SPIDR: variants seen among roughly 807,000 people sequenced by gnomAD.
SPIDR encodes DNA repair-scaffolding protein.
A neutral mutation model predicts 104.6 loss-of-function variants in SPIDR; 93 were observed. That is an observed-to-expected ratio of 0.89 (90% CI 0.75 to 1.06). The LOEUF is 1.06. SPIDR is among the 50% of genes least tolerant of loss of function. SPIDR has a pLI of 0.00. For missense variants in SPIDR, 1,154 were observed against 1,111.2 expected, an observed-to-expected ratio of 1.04 and a Z score of -0.55; for synonymous variants, 431 against 416.9, an observed-to-expected ratio of 1.03 and a Z score of -0.41.
intron 6 of SPIDR, among the ~76,000 whole-genome samples, chr8:47,397,397 G>C (rs781986491): frequency 1.3e-5 from 2 of 152,070 alleles, no homozygotes; most frequent in African/African-American, 2.4e-5. Flanking sequence ...ACAGGAGGCC[G>C]AGGCAGGAGA....
chr8:47,684,330 A>G (rs1041874807), intron 11 of SPIDR, among the ~76,000 whole-genome samples: 13 of 152,220 alleles, frequency 8.5e-5, no homozygotes, highest in African/African-American at 3.1e-4. Context: ...GAATTATTTG[A>G]CTGTGAGGGC....
At chr8:47,724,036 C>T (rs2083839425) in intron 16 of SPIDR, among the ~76,000 whole-genome samples, 1 of 151,934 alleles carries the variant, frequency 6.6e-6, no homozygotes, top group Non-Finnish European at 1.5e-5. Context: ...TCATTTATTC[C>T]TTCTCTAGTA....
chr8:47,436,219 A>C (rs1554691906), intron 7 of SPIDR, among the ~76,000 whole-genome samples: 1 of 152,166 alleles, frequency 6.6e-6, no homozygotes. Context: ...CAAGAGAGTT[A>C]AAGTATTTGG....
At chr8:47,666,022 C>T (rs1374318264) in intron 10 of SPIDR, among the ~76,000 whole-genome samples, 2 of 152,042 alleles carry the variant, frequency 1.3e-5, no homozygotes, top group Non-Finnish European at 2.9e-5. Context: ...CGTGGTTTCC[C>T]TAGTCACTTT....
At chr8:47,379,314 G>C (rs549839713) in intron 5 of SPIDR, among the ~76,000 whole-genome samples, 1 of 152,278 alleles carries the variant, frequency 6.6e-6, no homozygotes, top group East Asian at 1.9e-4. Flanking sequence ...CTTTAGGAGT[G>C]GGCGGATGGC....
intron 16 of SPIDR, among the ~76,000 whole-genome samples, chr8:47,715,530 A>G (rs2082446017): frequency 6.6e-6 from 1 of 152,168 alleles, no homozygotes; most frequent in Non-Finnish European, 1.5e-5. Flanking sequence ...TGCAAAAATA[A>G]TTGTGGTTTT....
At chr8:47,707,199 G>C (rs1459340090) in intron 14 of SPIDR, among the ~76,000 whole-genome samples, 1 of 149,460 alleles carries the variant, frequency 6.7e-6, no homozygotes. Flanking sequence ...GGTTGAGTGA[G>C]CCAAGATCGC....
chr8:47,471,663 A>G (rs571079652), intron 8 of SPIDR, among the ~76,000 whole-genome samples: 1 of 152,370 alleles, frequency 6.6e-6, no homozygotes, highest in East Asian at 1.9e-4. Flanking sequence ...GTATATACTT[A>G]ATGCCTCAGA....
At chr8:47,631,202 C>A (rs2067024115) in intron 10 of SPIDR, among the ~76,000 whole-genome samples, 1 of 152,184 alleles carries the variant, frequency 6.6e-6, no homozygotes, top group African/African-American at 2.4e-5. Flanking sequence ...CATGGATCCT[C>A]TGACTCTGAA....
At chr8:47,270,245 C>G (rs1324710719) in intron 1 of SPIDR, among the ~76,000 whole-genome samples, 1 of 152,110 alleles carries the variant, frequency 6.6e-6, no homozygotes, top group African/African-American at 2.4e-5. Context: ...TATAAATCAC[C>G]GTTGTACTCT....
At chr8:47,574,340 G>GT (rs1564371810) in intron 8 of SPIDR, among the ~76,000 whole-genome samples, 2 of 152,182 alleles carry the variant, frequency 1.3e-5, no homozygotes, top group South Asian at 2.1e-4. Flanking sequence ...CATTTGATTT[G>GT]TTTTTTTCCC....
At chr8:47,635,978 G>T (rs1391546633) in intron 10 of SPIDR, among the ~76,000 whole-genome samples, 1 of 152,182 alleles carries the variant, frequency 6.6e-6, no homozygotes, top group Non-Finnish European at 1.5e-5. Flanking sequence ...ATGCTATACA[G>T]GCATGGCTCA....
chr8:47,409,359 A>G (rs1247854378), intron 7 of SPIDR, among the ~76,000 whole-genome samples: 3 of 152,132 alleles, frequency 2.0e-5, no homozygotes, highest in African/African-American at 4.8e-5. Flanking sequence ...TTGTTTTTCA[A>G]CAAATTGCTT....
intron 8 of SPIDR, among the ~76,000 whole-genome samples, chr8:47,582,084 G>T (rs552474423): frequency 2.0e-5 from 3 of 152,156 alleles, no homozygotes; most frequent in Admixed American, 2.0e-4. Flanking sequence ...AGGCGTGGTG[G>T]CGGGTGCCTG....
intron 3 of SPIDR, among the ~76,000 whole-genome samples, chr8:47,285,225 A>G (rs1007454245): frequency 1.2e-4 from 19 of 152,346 alleles, no homozygotes; most frequent in African/African-American, 4.6e-4. Flanking sequence ...TACAGAGTGA[A>G]CTAACTTCCT....
At position 47,462,842 on chromosome 8, in the gene SPIDR, A is replaced by C. The variant is rs187222574; in HGVS notation, c.1097+22300A>C. Among the ~76,000 whole-genome samples, 378 of 152,262 alleles carry C rather than the reference A, an allele frequency of 2.5e-3. 2 individuals are homozygous for C. Among genetic ancestry groups the C allele is most frequent in the Non-Finnish European group, 4.5e-3 (306 of 68,020 alleles). On this transcript the variant is annotated intron_variant, in intron 8 of 19. Transcript: ENST00000297423. ...AACTTTAGCTAGATTGACCACGAAA[A>C]AACTGGTCAAATTACTAGAATCAAA...
intron 8 of SPIDR, among the ~76,000 whole-genome samples, chr8:47,467,579 T>C (rs562240327): frequency 6.6e-6 from 1 of 152,304 alleles, no homozygotes; most frequent in East Asian, 1.9e-4. Context: ...ATAAATGTGA[T>C]CCATTACATA....
intron 1 of SPIDR, among the ~76,000 whole-genome samples, chr8:47,277,324 T>C (rs1414554688): frequency 9.7e-5 from 2 of 20,580 alleles, no homozygotes; most frequent in African/African-American, 1.8e-4. Context: ...TGTTATGTTA[T>C]GTTATGTTAT....
chr8:47,592,439 G>A (rs1042089780), intron 8 of SPIDR: 8 of 1,448,278 alleles, frequency 5.5e-6, no homozygotes, highest in Middle Eastern at 1.8e-4. Context: ...GGAAGGAATA[G>A]TTCAAGTTTA....
Sources: gnomAD v4.1 joint callset for allele counts (sites outside exome capture counted in the v4.1 genomes callset) on GRCh38, gnomAD v4.1.1 for gene constraint, MANE v1.5 for transcripts, NCBI Gene and HGNC (gene_info 2026-07-23, HGNC 2026-07-21) for gene names.